The following REXO1 variants were observed in gnomAD, a reference collection of about 807,000 sequenced individuals.
REXO1 encodes RNA exonuclease 1 homolog, also known as REX1, RNA exonuclease 1 homolog.
A neutral mutation model predicts 102.6 loss-of-function variants in REXO1; 42 were observed. That is an observed-to-expected ratio of 0.41 (90% confidence interval 0.32 to 0.53). The LOEUF is 0.53. Among genes scored for constraint, REXO1 ranks in the 20% least tolerant of loss-of-function variants. The pLI is 0.27. For synonymous variants in REXO1, 908 were observed against 779.1 expected (o/e 1.17, Z -2.76); for missense variants, 1,819 against 1,732.5 (o/e 1.05, Z -0.89).
chr19:1,837,600 A>G (rs1449146056), intron 1 of REXO1, among the ~76,000 whole-genome samples: 1 of 152,074 alleles, frequency 6.6e-6, no homozygotes, highest in Non-Finnish European at 1.5e-5. Context: ...CACCCCCCAC[A>G]CCAGACTCCA....
chr19:1,818,934 C>T (rs1182963641), intron 8 of REXO1, 84 bp downstream of exon 8: 1 of 1,570,914 alleles, frequency 6.4e-7, no homozygotes, highest in South Asian at 1.1e-5. Context: ...GGCAGGGGCC[C>T]ACGAAGCACC....
chr19:1,834,429 T>C (rs1248413413), intron 1 of REXO1, among the ~76,000 whole-genome samples: 1 of 152,048 alleles, frequency 6.6e-6, no homozygotes, highest in African/African-American at 2.4e-5. Context: ...AGTACTTGTT[T>C]TGTTGTTTTG....
rs764456351 is a variant in REXO1 at position 1,817,749 on chromosome 19, G to A, written c.3048C>T (p.Cys1016=). ...VAGGWETQYM[C]CSAAAGSVGC... The stretch of plus-strand genomic sequence containing the variant: ...CGACAGAGCCGGCGGCAGCCGAGCA[G>A]CACATGTACTGGGTCTCCCAGCCTC... Residue 1016 remains cysteine, a synonymous_variant, in exon 11 of 16, where the codon TGC becomes TGT. Transcript: ENST00000170168. The A allele has an allele frequency of 1.9e-6, 3 of 1,612,492 alleles. No homozygotes were observed. Among genetic ancestry groups the A allele is most frequent in the East Asian group, 2.2e-5 (1 of 44,874 alleles).
intron 1 of REXO1, among the ~76,000 whole-genome samples, chr19:1,836,742 T>TC (rs2070050090): frequency 2.5e-5 from 1 of 39,680 alleles, no homozygotes; most frequent in Non-Finnish European, 5.9e-5. Flanking sequence ...CAAGACTGTC[T>TC]CAAAAAAAAA....
Position 1,823,748 on chromosome 19 carries a change from G to C in REXO1, c.2054C>G (p.Ala685Gly). 7.9e-7 allele frequency: 1 copy of C among 1,261,614 alleles called. No individual in the cohort carries two copies. The highest frequency in any genetic ancestry group is 1.0e-6 in the Non-Finnish European group (1 of 997,252). The allele number at this position is 1,261,614 out of a possible 1,614,324, so 78.2% of individuals were successfully genotyped here. The change falls in exon 4 of 16, where the codon GCC becomes GGC. Residue 685 changes from alanine (A) to glycine (G), a missense_variant. Coordinates refer to ENST00000170168, the MANE Select transcript of REXO1 (RefSeq NM_020695.4). ...PPRRGPAVPP[A>G]RPPTAQEVCY... ...CACCTCCTGCGCCGTCGGGGGCCGG[G>C]CCGGGGGCACCGCGGGACCCCTCCT...
intron 3 of REXO1, chr19:1,824,077 T>A (rs752437031): frequency 2.9e-6 from 1 of 344,150 alleles, no homozygotes; most frequent in Non-Finnish European, 5.2e-6. Context: ...GGCACTCCAA[T>A]CCAATCCCAC....
intron 1 of REXO1, among the ~76,000 whole-genome samples, chr19:1,843,770 G>A (rs138664329): frequency 4.6e-5 from 7 of 152,364 alleles, no homozygotes; most frequent in Middle Eastern, 3.4e-3. Context: ...ACACTGTCAC[G>A]TCTCTGAAGG....
intron 1 of REXO1, among the ~76,000 whole-genome samples, chr19:1,842,527 G>A (rs2011331882): frequency 6.6e-6 from 1 of 152,274 alleles, no homozygotes; most frequent in South Asian, 2.1e-4. Flanking sequence ...ACCAAAACCA[G>A]CCTCGACTGG....
chr19:1,827,909 C>T lies in REXO1; in HGVS notation c.880G>A (p.Ala294Thr). ...GTGGGCTCGTTACCTGGGACCGTGG[C>T]GGCCTCATCTTCTGAGTCTGAGAAC... ...ARFSDSEDEA[A>T]TVPGNEPTTA... is the part of the protein sequence containing the mutation. The change falls in exon 2 of 16, where the codon GCC (alanine) becomes ACC (threonine). Residue 294 changes from alanine to threonine, a missense_variant. By Grantham distance (58) the Ala-to-Thr change is moderately conservative. Transcript: ENST00000170168. The T allele has an allele frequency of 5.0e-6, 8 of 1,613,744 alleles. No homozygotes were observed. The highest frequency in any genetic ancestry group is 3.3e-5 in the Admixed American group (2 of 60,016).
chr19:1,834,836 C>T (rs1170291299), intron 1 of REXO1: 1 of 237,514 alleles, frequency 4.2e-6, no homozygotes, highest in African/African-American at 2.3e-5. Context: ...TCCACAAAGA[C>T]TGCACCAAAA....
intron 11 of REXO1, 64 bp from the exon 12 acceptor site, chr19:1,817,393 C>A: frequency 6.3e-7 from 1 of 1,593,522 alleles, no homozygotes. Flanking sequence ...GTGGCAGCAG[C>A]AGCACATCTC....
chr19:1,840,188 C>T (rs535065968), intron 1 of REXO1, among the ~76,000 whole-genome samples: 36 of 152,230 alleles, frequency 2.4e-4, no homozygotes, highest in Admixed American at 6.5e-4. Context: ...GGCCCTGCCC[C>T]CTGCCAGGCT....
intron 1 of REXO1, among the ~76,000 whole-genome samples, chr19:1,829,269 C>T (rs1229424966): frequency 1.3e-5 from 2 of 151,894 alleles, no homozygotes; most frequent in African/African-American, 2.4e-5. Context: ...TTGAGACAGT[C>T]TCTCTGCTGC....
rs1023466098 is a variant in REXO1 at position 1,827,180 on chromosome 19, T to C, written c.1609A>G (p.Ser537Gly). Residue 537 changes from serine to glycine, a missense_variant, in exon 2 of 16, where the codon AGC (serine) becomes GGC (glycine). Physicochemically the swap from Ser to Gly is moderately conservative, Grantham distance 56. Transcript: ENST00000170168. Reference sequence around the variant, plus strand: ...CTGGGGAGGGCAGAGGGCCACACGCTCGGCACCCCTGGCCCTGCGGCCTCG... The same window carrying C: ...CTGGGGAGGGCAGAGGGCCACACGCCCGGCACCCCTGGCCCTGCGGCCTCG... ...EDEAAGPGVP[S>G]VWPSALPSLS... 3 of 1,540,924 alleles carry C rather than the reference T, an allele frequency of 1.9e-6. No individual in the cohort carries two copies. The highest frequency in any genetic ancestry group is 2.0e-5 in the Admixed American group (1 of 50,908).
intron 1 of REXO1, among the ~76,000 whole-genome samples, chr19:1,844,031 G>A (rs1045244713): frequency 6.6e-6 from 1 of 152,240 alleles, no homozygotes; most frequent in African/African-American, 2.4e-5. Context: ...TAGGATCCCA[G>A]GGCTCACCTG....
chr19:1,816,152 C>A lies in REXO1; in HGVS notation c.3580G>T (p.Asp1194Tyr). The change falls in exon 16 of 16, where the codon GAT becomes TAT. Residue 1194 changes from aspartate (D) to tyrosine (Y), a missense_variant and splice_region_variant. Physicochemically the swap from Asp to Tyr is radical, Grantham distance 160. Coordinates refer to ENST00000170168, the MANE Select transcript of REXO1 (RefSeq NM_020695.4). Reference sequence around the variant, plus strand: ...GCGTCCTCGCTGGAGCTGTGCCCATCCACTGCGGGGCAGATGCGGTGAGCA... The same window carrying A: ...GCGTCCTCGCTGGAGCTGTGCCCATACACTGCGGGGCAGATGCGGTGAGCA... ...YLRQIIQDNVDGHSSSEDAGA... is the reference protein window; with the variant it reads ...YLRQIIQDNVYGHSSSEDAGA... The A allele has an allele frequency of 1.3e-6, 2 of 1,552,070 alleles. No homozygotes were observed. Among genetic ancestry groups the A allele is most frequent in the Non-Finnish European group, 1.7e-6 (2 of 1,147,218 alleles).
At chr19:1,817,508 G>A (rs769589310) in intron 11 of REXO1, 179 bp from the exon 12 acceptor site, 97 of 1,465,262 alleles carry the variant, frequency 6.6e-5, no homozygotes, top group Non-Finnish European at 7.8e-5. Context: ...CAGGGAGGAC[G>A]GCTTCCCAGG....
chr19:1,848,462 G>T lies in REXO1; in HGVS notation c.-104C>A, dbSNP rs2011668770. On this transcript the variant is annotated 5_prime_UTR_variant, in exon 1 of 16. Transcript: ENST00000170168. ...CCCGCGCCTCACGGACCCCGCCGCC[G>T]CCATCTTGCTCCGAGGCCCCCGGAG... 3 of 885,284 alleles carry T rather than the reference G, an allele frequency of 3.4e-6. No homozygotes were observed. Among genetic ancestry groups the T allele is most frequent in the Admixed American group, 1.1e-4 (2 of 18,216 alleles). 54.8% of individuals were successfully genotyped at this position (885,284 alleles called of 1,614,324 possible). A position where few individuals can be genotyped will look rare whatever the true frequency, so the allele number is the denominator to read the frequency against.
intron 12 of REXO1, 68 bp from the exon 13 acceptor site, chr19:1,816,881 C>G: frequency 8.3e-7 from 1 of 1,211,408 alleles, no homozygotes; most frequent in South Asian, 1.2e-5. Context: ...TTCCCTGCCC[C>G]TTTGAGTCTC....
Sources: gnomAD v4.1 joint callset for allele counts (sites outside exome capture counted in the v4.1 genomes callset) on GRCh38, gnomAD v4.1.1 for gene constraint, MANE v1.5 for transcripts, NCBI Gene and HGNC (gene_info 2026-07-23, HGNC 2026-07-21) for gene names.